DPP6: variants seen among roughly 807,000 people sequenced by gnomAD.
DPP6 encodes the protein dipeptidyl peptidase like 6, also known as A-type potassium channel modulatory protein DPP6.
Under a neutral mutation model 122.6 loss-of-function variants are expected in DPP6, and 69 were observed. That is an observed-to-expected ratio of 0.56 (90% confidence interval 0.46 to 0.69). The LOEUF (loss-of-function observed/expected upper bound fraction) is 0.69, where lower values mean the gene tolerates loss of function less well. Among genes scored for constraint, DPP6 ranks in the 30% least tolerant of loss-of-function variants. The probability of loss-of-function intolerance (pLI) is 0.00; values close to 1 mark genes in which losing one functional copy is unlikely to be tolerated. For missense variants in DPP6, 928 were observed against 1,116.9 expected (o/e 0.83, Z 2.41); for synonymous variants, 418 against 433.1 (o/e 0.97, Z 0.43).
At chr7:154,076,572 T>C (rs1803566431) in intron 1 of DPP6, among the ~76,000 whole-genome samples, 1 of 150,362 alleles carries the variant, frequency 6.7e-6, no homozygotes, top group Non-Finnish European at 1.5e-5. Flanking sequence ...TAAGTAATAA[T>C]AGATTAGTTT....
At chr7:154,317,389 G>A (rs1226782898) in intron 1 of DPP6, among the ~76,000 whole-genome samples, 1 of 152,154 alleles carries the variant, frequency 6.6e-6, no homozygotes, top group East Asian at 1.9e-4. Flanking sequence ...CAGAAAATAA[G>A]ATAGAGTTGT....
chr7:153,971,149 C>G lies in DPP6; in HGVS notation c.51+83415C>G. ...AGGTATTTTAAATTTTTACCAATAT[C>G]ACATATTTTTTAAAGTTTATCACTG... On this transcript the variant is annotated intron_variant, in intron 1 of 25. Coordinates refer to the DPP6 transcript ENST00000404039. Among the ~76,000 whole-genome samples the G allele has an allele frequency of 2.6e-5, 4 of 151,776 alleles. No individual in the cohort carries two copies. The South Asian group carries it at 8.4e-4, about 32-fold the overall frequency.
rs147205753 is a variant in DPP6, at chr7:154,077,448, C to T, written c.243+24385C>T. On this transcript the variant is annotated intron_variant, in intron 1 of 25. Transcript: ENST00000377770. The stretch of plus-strand genomic sequence containing the variant: ...TTATAGTTCTGTGGATTTATTCCAA[C>T]GAGTCTGTTGAAAACTGGGATGTGG... Among the ~76,000 whole-genome samples, 597 of 151,994 alleles carry T rather than the reference C, an allele frequency of 3.9e-3. 2 individuals are homozygous for T. The highest frequency in any genetic ancestry group is 0.031 in the East Asian group (161 of 5,138).
chr7:154,454,269 G>C (rs1487039017), intron 2 of DPP6, among the ~76,000 whole-genome samples: 8 of 152,222 alleles, frequency 5.3e-5, no homozygotes, highest in Non-Finnish European at 1.0e-4. Flanking sequence ...GGACTGACTG[G>C]ATTGGGGATG....
intron 1 of DPP6, among the ~76,000 whole-genome samples, chr7:153,966,819 C>T (rs1795765699): frequency 6.6e-6 from 1 of 151,304 alleles, no homozygotes; most frequent in Non-Finnish European, 1.5e-5. Flanking sequence ...GTAATCCCAG[C>T]ACTTTGGGAG....
intron 6 of DPP6, among the ~76,000 whole-genome samples, chr7:154,645,885 A>C (rs75597620): frequency 6.6e-6 from 1 of 151,708 alleles, no homozygotes; most frequent in Non-Finnish European, 1.5e-5. Context: ...AAAATTAGCC[A>C]GGCATGGTGG....
At chr7:154,668,208 TATATATATATAA>T (rs1838307356) in intron 6 of DPP6, among the ~76,000 whole-genome samples, 2 of 100,274 alleles carry the variant, frequency 2.0e-5, no homozygotes, top group South Asian at 8.0e-4. Context: ...TATATATATA[TATATATATATAA>T]TATACACATT....
intron 1 of DPP6, among the ~76,000 whole-genome samples, chr7:154,248,750 C>T (rs539740765): frequency 3.9e-5 from 6 of 152,050 alleles, no homozygotes; most frequent in African/African-American, 1.4e-4. Flanking sequence ...CCTGTAATTC[C>T]AGCTACTCAG....
At chr7:154,586,623 TC>T (rs1422142075) in intron 5 of DPP6, among the ~76,000 whole-genome samples, 1 of 152,222 alleles carries the variant, frequency 6.6e-6, no homozygotes, top group Non-Finnish European at 1.5e-5. Flanking sequence ...TTGCTCTCGA[TC>T]CCTGTTCTCT....
At chr7:154,271,250 G>T (rs181449286) in intron 1 of DPP6, among the ~76,000 whole-genome samples, 2 of 152,094 alleles carry the variant, frequency 1.3e-5, no homozygotes, top group Non-Finnish European at 2.9e-5. Context: ...TTTATGTGTC[G>T]ATCCAATCAG....
chr7:153,865,792 TC>T, the DPP6 span, among the ~76,000 whole-genome samples: 1 of 148,828 alleles, frequency 6.7e-6, no homozygotes, highest in Non-Finnish European at 1.5e-5. Flanking sequence ...CCTAATGCTA[TC>T]CTTCCCCCCT....
chr7:154,832,707 C>G (rs1800727109), intron 16 of DPP6, among the ~76,000 whole-genome samples: 1 of 152,224 alleles, frequency 6.6e-6, no homozygotes, highest in African/African-American at 2.4e-5. Context: ...GACACAGTCC[C>G]AGAAATCTCC....
chr7:154,023,535 C>G (rs2628939), intron 1 of DPP6, among the ~76,000 whole-genome samples: 1,754 of 148,430 alleles, frequency 0.012, 44 homozygotes, highest in African/African-American at 0.044. Context: ...AGGCTGGAGT[C>G]CAATGGTACG....
chr7:154,574,779 ATG>A (rs1313130628), intron 5 of DPP6, among the ~76,000 whole-genome samples: 212 of 81,396 alleles, frequency 2.6e-3, no homozygotes, highest in African/African-American at 8.2e-3. Context: ...TGTGGTGCAT[ATG>A]TGTGTGTGTG....
At chr7:154,204,706 C>A (rs1234850375) in intron 1 of DPP6, among the ~76,000 whole-genome samples, 5 of 151,986 alleles carry the variant, frequency 3.3e-5, no homozygotes, top group African/African-American at 1.2e-4. Context: ...TTTTCTGTGG[C>A]AAGATTTATT....
intron 7 of DPP6, among the ~76,000 whole-genome samples, chr7:154,720,518 G>C (rs1246396254): frequency 6.6e-6 from 1 of 152,210 alleles, no homozygotes; most frequent in African/African-American, 2.4e-5. Flanking sequence ...TACATGCCCT[G>C]CTCCAGGATG....
chr7:154,180,142 G>A (rs924335178), intron 1 of DPP6, among the ~76,000 whole-genome samples: 6 of 152,026 alleles, frequency 3.9e-5, no homozygotes, highest in African/African-American at 1.2e-4. Context: ...GAAGCCAGGA[G>A]TTCAAGACCA....
chr7:154,164,366 C>A (rs1184625735), intron 1 of DPP6, among the ~76,000 whole-genome samples: 5 of 151,974 alleles, frequency 3.3e-5, no homozygotes, highest in Admixed American at 2.0e-4. Flanking sequence ...CAGCAAATGA[C>A]TGTGCGATTA....
intron 6 of DPP6, among the ~76,000 whole-genome samples, chr7:154,666,643 C>G (rs1204785454): frequency 6.6e-6 from 1 of 151,860 alleles, no homozygotes; most frequent in Non-Finnish European, 1.5e-5. Context: ...TTTATCAGCA[C>G]CCCCCCAATC....
Sources: allele counts gnomAD v4.1 joint callset (sites outside exome capture counted in the v4.1 genomes callset), GRCh38; gene constraint gnomAD v4.1.1; transcripts MANE v1.5; gene names NCBI Gene and HGNC (gene_info 2026-07-23, HGNC 2026-07-21).